NDST4: variants seen among roughly 807,000 people sequenced by gnomAD.
NDST4 encodes N-deacetylase and N-sulfotransferase 4, also known as N-heparan sulfate sulfotransferase 4.
A neutral mutation model predicts 100.8 loss-of-function variants in NDST4; 63 were observed. The ratio of observed to expected loss-of-function variants is 0.62; its 90% CI spans 0.51 to 0.77. The LOEUF (loss-of-function observed/expected upper bound fraction) is 0.77. NDST4 is among the 30% of genes least tolerant of loss of function. The pLI, the probability that NDST4 is intolerant of heterozygous loss-of-function variation, is 0.00. For missense variants in NDST4, 943 were observed against 1,018.4 expected, an observed-to-expected ratio of 0.93 and a Z score of 1.01; for synonymous variants, 377 against 361.8, an observed-to-expected ratio of 1.04 and a Z score of -0.48.
chr4:114,941,961 T>C (rs572777157), intron 4 of NDST4, among the ~76,000 whole-genome samples: 9 of 152,362 alleles, frequency 5.9e-5, no homozygotes, highest in Admixed American at 5.2e-4. Flanking sequence ...TTGAGACGTC[T>C]AGTGGTTTAA....
chr4:114,933,861 T>G (rs1237030014), intron 6 of NDST4, among the ~76,000 whole-genome samples: 1 of 152,156 alleles, frequency 6.6e-6, no homozygotes, highest in Non-Finnish European at 1.5e-5. Flanking sequence ...GATAACAAAG[T>G]TGGCGAGGAT....
At chr4:115,048,096 A>C (rs999192508) in intron 2 of NDST4, among the ~76,000 whole-genome samples, 2 of 137,954 alleles carry the variant, frequency 1.4e-5, no homozygotes, top group Non-Finnish European at 3.0e-5. Flanking sequence ...GGAAGTTTAT[A>C]ATTTTTTTTT....
chr4:114,867,194 T>G (rs1275719165), intron 7 of NDST4, among the ~76,000 whole-genome samples: 1 of 152,144 alleles, frequency 6.6e-6, no homozygotes, highest in Non-Finnish European at 1.5e-5. Context: ...ATTCTCTGTG[T>G]CAGTATTCCT....
intron 10 of NDST4, among the ~76,000 whole-genome samples, chr4:114,842,970 T>C (rs947696736): frequency 5.2e-5 from 7 of 135,258 alleles, no homozygotes; most frequent in African/African-American, 2.4e-4. Flanking sequence ...TATCAAAATG[T>C]TGCTTATGGT....
At chr4:115,082,062 C>T (rs960929354) in intron 1 of NDST4, among the ~76,000 whole-genome samples, 2 of 151,928 alleles carry the variant, frequency 1.3e-5, no homozygotes, top group African/African-American at 4.8e-5. Flanking sequence ...GCTTCATGAC[C>T]CCTGCACAGG....
At chr4:115,037,748 T>G (rs1388363749) in intron 2 of NDST4, among the ~76,000 whole-genome samples, 2 of 152,136 alleles carry the variant, frequency 1.3e-5, no homozygotes, top group Admixed American at 1.3e-4. Flanking sequence ...AGGATCCTAG[T>G]AATTCTAGTC....
Position 114,833,720 on chromosome 4 carries a change from A to G in NDST4, c.2287-5T>C, listed in dbSNP as rs755467459. 1 of 1,588,356 alleles carries G rather than the reference A, an allele frequency of 6.3e-7. No individual in the cohort carries two copies. The highest frequency in any genetic ancestry group is 1.1e-5 in the South Asian group (1 of 88,946). On this transcript the variant is annotated splice_region_variant and splice_polypyrimidine_tract_variant and intron_variant, in intron 11 of 13. Coordinates refer to ENST00000264363, the MANE Select transcript of NDST4 (RefSeq NM_022569.3). Reference sequence around the variant, plus strand: ...CTGTCCATCAATAATTAGCAACTGTAAAGTCAGAAATAGTCACTTTATGAA... The same window carrying G: ...CTGTCCATCAATAATTAGCAACTGTGAAGTCAGAAATAGTCACTTTATGAA...
chr4:115,096,744 TATC>T (rs972349563), intron 1 of NDST4, among the ~76,000 whole-genome samples: 2 of 152,134 alleles, frequency 1.3e-5, no homozygotes, highest in African/African-American at 4.8e-5. Flanking sequence ...TGTTCTTTTT[TATC>T]ATGATTCACT....
At chr4:115,059,517 A>G (rs976423369) in intron 2 of NDST4, among the ~76,000 whole-genome samples, 1 of 152,050 alleles carries the variant, frequency 6.6e-6, no homozygotes, top group African/African-American at 2.4e-5. Flanking sequence ...ACAGATGTGC[A>G]CTAAGAACCT....
intron 4 of NDST4, among the ~76,000 whole-genome samples, chr4:114,952,813 G>A (rs895149651): frequency 4.6e-5 from 7 of 152,014 alleles, no homozygotes; most frequent in African/African-American, 1.4e-4. Flanking sequence ...TATTCAATAT[G>A]TGAATCATTA....
At chr4:114,990,784 C>A (rs985708436) in intron 2 of NDST4, among the ~76,000 whole-genome samples, 1 of 152,022 alleles carries the variant, frequency 6.6e-6, no homozygotes, top group African/African-American at 2.4e-5. Context: ...ATTTGCTTTT[C>A]TTTATTAAGT....
chr4:115,065,070 T>A (rs1289943958), intron 2 of NDST4, among the ~76,000 whole-genome samples: 2 of 152,146 alleles, frequency 1.3e-5, no homozygotes, highest in South Asian at 4.1e-4. Flanking sequence ...GTGATGACAT[T>A]GTATTTCCAG....
At chr4:115,108,792 C>A (rs1009741872) in intron 1 of NDST4, among the ~76,000 whole-genome samples, 14 of 151,928 alleles carry the variant, frequency 9.2e-5, no homozygotes, top group African/African-American at 3.4e-4. Context: ...CTTATTGCAA[C>A]TTAACCCACT....
chr4:114,988,352 CTTTTTTTTTTT>C (rs991019823), intron 2 of NDST4, among the ~76,000 whole-genome samples: 4 of 64,196 alleles, frequency 6.2e-5, no homozygotes, highest in South Asian at 1.3e-3. Context: ...ATACACATAT[CTTTTTTTTTTT>C]TTTTTTTTTT....
chr4:114,854,806 T>C (rs555598045), intron 7 of NDST4, among the ~76,000 whole-genome samples: 1 of 152,298 alleles, frequency 6.6e-6, no homozygotes, highest in African/African-American at 2.4e-5. Context: ...TGATGTTAGA[T>C]TGCTGAATCA....
intron 10 of NDST4, among the ~76,000 whole-genome samples, chr4:114,842,924 C>A (rs1465753445): frequency 2.0e-5 from 3 of 152,034 alleles, no homozygotes; most frequent in African/African-American, 7.2e-5. Context: ...CAATAAAAAT[C>A]AGTTATTTTA....
chr4:114,915,292 C>T (rs374330671), intron 6 of NDST4, among the ~76,000 whole-genome samples: 2 of 152,134 alleles, frequency 1.3e-5, no homozygotes, highest in East Asian at 1.9e-4. Flanking sequence ...TGTCCAATGC[C>T]GTAAGGGGTC....
chr4:115,090,325 A>C (rs1729490917), intron 1 of NDST4, among the ~76,000 whole-genome samples: 1 of 151,932 alleles, frequency 6.6e-6, no homozygotes, highest in Non-Finnish European at 1.5e-5. Flanking sequence ...TGATATTTAC[A>C]CCTAATTTTT....
In NDST4 at chr4:114,986,815, TA is replaced by T. The variant is rs1427617657; in HGVS notation, c.979-9542del. ...ATACATATATATATATATATATATATATATATATATATATATATTTTAATAT... is the reference window on the plus strand; with the variant it reads ...ATACATATATATATATATATATATATTATATATATATATATATTTTAATAT... On this transcript the variant is annotated intron_variant, in intron 2 of 13. Transcript: ENST00000264363. 1.1e-3 allele frequency among the ~76,000 whole-genome samples: 136 copies of T among 123,874 alleles called. 5 individuals carry two copies. The highest frequency in any genetic ancestry group is 4.6e-3 in the Middle Eastern group (1 of 218). 81.3% of individuals were successfully genotyped at this position (123,874 alleles called of 152,430 possible).
Sources: gnomAD v4.1 joint callset for allele counts (sites outside exome capture counted in the v4.1 genomes callset) on GRCh38, gnomAD v4.1.1 for gene constraint, MANE v1.5 for transcripts, NCBI Gene and HGNC (gene_info 2026-07-23, HGNC 2026-07-21) for gene names.